Variants in NEO1 observed in about 807,000 individuals in gnomAD.
The protein encoded by NEO1 is neogenin.
A neutral mutation model predicts 159.7 loss-of-function variants in NEO1; 63 were observed. That is an observed-to-expected ratio of 0.39 (90% confidence interval 0.32 to 0.49). The LOEUF (loss-of-function observed/expected upper bound fraction) is 0.49. NEO1 is among the 20% of genes least tolerant of loss of function. The pLI, the probability that NEO1 is intolerant of heterozygous loss-of-function variation, is 0.85. For synonymous variants in NEO1, 633 were observed against 662.0 expected, an observed-to-expected ratio of 0.96 and a Z score of 0.67; for missense variants, 1,615 against 1,831.0, an observed-to-expected ratio of 0.88 and a Z score of 2.15.
chr15:73,113,687 G>T (rs1807741732), intron 1 of NEO1, among the ~76,000 whole-genome samples: 1 of 152,140 alleles, frequency 6.6e-6, no homozygotes, highest in East Asian at 1.9e-4. Flanking sequence ...AATCAGTGTG[G>T]AACAGGAAAT....
At chr15:73,062,146 GTC>G (rs1464103232) in intron 1 of NEO1, among the ~76,000 whole-genome samples, 1 of 152,166 alleles carries the variant, frequency 6.6e-6, no homozygotes, top group African/African-American at 2.4e-5. Flanking sequence ...AAATGAGAGT[GTC>G]TGTTTCCACA....
rs1319942492 is a variant in NEO1 at position 73,242,205 on chromosome 15, G to A, written c.1452-2139G>A. The stretch of plus-strand genomic sequence containing the variant: ...ACTCTCTCAGAGAGCCTTTAGTTTA[G>A]TGTAAAATACAATACAGTTGACTCC... On this transcript the variant is annotated intron_variant, in intron 8 of 28. Transcript: ENST00000261908. Among the ~76,000 whole-genome samples the A allele has an allele frequency of 2.6e-5, 4 of 152,154 alleles. 1 individual carries two copies. Among genetic ancestry groups the A allele is most frequent in the Non-Finnish European group, 5.9e-5 (4 of 68,040 alleles).
intron 7 of NEO1, among the ~76,000 whole-genome samples, chr15:73,182,676 A>G (rs1410455652): frequency 6.6e-6 from 1 of 152,168 alleles, no homozygotes; most frequent in Non-Finnish European, 1.5e-5. Flanking sequence ...GAAACCCCTC[A>G]TGAAATCATC....
intron 1 of NEO1, among the ~76,000 whole-genome samples, chr15:73,056,193 A>G (rs2067688746): frequency 6.6e-6 from 1 of 152,222 alleles, no homozygotes. Context: ...TGTCACCCCT[A>G]ACATGCACCT....
In NEO1 at chr15:73,301,644, C is replaced by T. The variant is rs555387377; in HGVS notation, c.4302+187C>T. The T allele has an allele frequency of 9.1e-4, 645 of 706,438 alleles. 3 individuals are homozygous for T. Among genetic ancestry groups the T allele is most frequent in the Non-Finnish European group, 1.4e-3 (605 of 444,718 alleles). 43.8% of individuals were successfully genotyped at this position (706,438 alleles called of 1,614,324 possible). On this transcript the variant is annotated intron_variant, in intron 28 of 28. Coordinates refer to ENST00000261908, the MANE Select transcript of NEO1 (RefSeq NM_002499.4). Reference sequence around the variant, plus strand: ...TCTGAGCCGGGAACTGTGCTGAGGACTTGGTGTGCTTTCTTTCCCATATCC... The same window carrying T: ...TCTGAGCCGGGAACTGTGCTGAGGATTTGGTGTGCTTTCTTTCCCATATCC...
At chr15:73,207,326 C>T (rs1030329480) in intron 7 of NEO1, among the ~76,000 whole-genome samples, 3 of 152,176 alleles carry the variant, frequency 2.0e-5, no homozygotes, top group Non-Finnish European at 4.4e-5. Flanking sequence ...ATCTACACAG[C>T]ACCACACAGC....
intron 7 of NEO1, among the ~76,000 whole-genome samples, chr15:73,201,161 T>C (rs530735509): frequency 1.3e-5 from 2 of 151,964 alleles, no homozygotes; most frequent in South Asian, 4.2e-4. Context: ...ATTTTTCTGT[T>C]TTCAATTTCA....
chr15:73,294,464 GAACCTCAAA>G (rs2042278385), intron 26 of NEO1, among the ~76,000 whole-genome samples: 1 of 152,142 alleles, frequency 6.6e-6, no homozygotes, highest in Non-Finnish European at 1.5e-5. Flanking sequence ...CATTTTAAAA[GAACCTCAAA>G]ACTTTATGCT....
intron 5 of NEO1, among the ~76,000 whole-genome samples, chr15:73,157,226 T>C (rs564087182): frequency 1.3e-5 from 2 of 152,320 alleles, no homozygotes; most frequent in South Asian, 4.1e-4. Context: ...CAGCTGCCCA[T>C]ACCAGTTTCT....
Position 73,258,890 on chromosome 15 carries a change from T to C in NEO1, c.2203+14T>C, listed in dbSNP as rs1221026111. On this transcript the variant is annotated intron_variant, in intron 14 of 28. Transcript: ENST00000261908. ...GTGACCTAGATGGTAAGAATAACAA[T>C]TGGCAAGACTGGAACACAATAGATA... 6.2e-7 allele frequency: 1 copy of C among 1,602,908 alleles called. No homozygotes were observed. The highest frequency in any genetic ancestry group is 2.2e-5 in the East Asian group (1 of 44,790).
At chr15:73,228,969 CAGTAAATTTTGAAATT>C (rs2038753319) in intron 7 of NEO1, among the ~76,000 whole-genome samples, 3 of 152,200 alleles carry the variant, frequency 2.0e-5, no homozygotes, top group Non-Finnish European at 2.9e-5. Flanking sequence ...TGTAGCTTTA[CAGTAAATTTTGAAATT>C]AGTAAATTTT....
chr15:73,169,592 G>T (rs1405484619), intron 5 of NEO1, among the ~76,000 whole-genome samples: 7 of 149,322 alleles, frequency 4.7e-5, no homozygotes, highest in Non-Finnish European at 8.9e-5. Flanking sequence ...CTAATAGTCT[G>T]TGAAAGTCTG....
intron 5 of NEO1, among the ~76,000 whole-genome samples, chr15:73,151,632 A>G (rs1469519242): frequency 6.6e-6 from 1 of 152,152 alleles, no homozygotes; most frequent in Non-Finnish European, 1.5e-5. Flanking sequence ...GAGAAGTGCC[A>G]AGCAAACCCT....
intron 7 of NEO1, among the ~76,000 whole-genome samples, chr15:73,183,526 T>C (rs898936954): frequency 2.0e-5 from 3 of 152,148 alleles, no homozygotes; most frequent in African/African-American, 7.2e-5. Context: ...CTTTTACTAC[T>C]AGGGGAAGAG....
chr15:73,234,668 G>T (rs1282636955), intron 7 of NEO1, among the ~76,000 whole-genome samples: 1 of 152,040 alleles, frequency 6.6e-6, no homozygotes, highest in Non-Finnish European at 1.5e-5. Context: ...TTAACGTCGG[G>T]GCTAAAACTG....
At chr15:73,126,315 C>T in intron 3 of NEO1, 102 bp from the exon 4 acceptor site, 5 of 1,071,964 alleles carry the variant, frequency 4.7e-6, no homozygotes, top group Non-Finnish European at 6.6e-6. Flanking sequence ...AGCAGTCCTC[C>T]CTCCTCGGCC....
At chr15:73,277,257 A>G (rs1200297080) in intron 21 of NEO1, among the ~76,000 whole-genome samples, 1 of 152,244 alleles carries the variant, frequency 6.6e-6, no homozygotes, top group African/African-American at 2.4e-5. Context: ...GAAGTATGAT[A>G]TTGCTTTCTG....
intron 7 of NEO1, among the ~76,000 whole-genome samples, chr15:73,225,686 A>G (rs1175254375): frequency 6.6e-6 from 1 of 152,126 alleles, no homozygotes; most frequent in African/African-American, 2.4e-5. Context: ...TTGGGGAGCC[A>G]GGCTTGAGAA....
chr15:73,249,833 C>A, intron 11 of NEO1, 112 bp downstream of exon 11: 1 of 1,244,774 alleles, frequency 8.0e-7, no homozygotes, highest in Non-Finnish European at 1.1e-6. Flanking sequence ...CCAATTTTAC[C>A]TCTTTCTGGT....
Sources: gnomAD v4.1 joint callset for allele counts (sites outside exome capture counted in the v4.1 genomes callset) on GRCh38, gnomAD v4.1.1 for gene constraint, MANE v1.5 for transcripts, NCBI Gene and HGNC (gene_info 2026-07-23, HGNC 2026-07-21) for gene names.